The following NSD2 variants were observed in gnomAD, a reference collection of about 807,000 sequenced individuals.
The protein encoded by NSD2 is nuclear receptor binding SET domain protein 2, also known as histone-lysine N-methyltransferase NSD2.
In NSD2, 12 loss-of-function variants were observed where a neutral mutation model predicts 139.0. The ratio of observed to expected loss-of-function variants is 0.09; its 90% CI spans 0.06 to 0.14. NSD2 has a LOEUF of 0.14. NSD2 is among the 10% of genes least tolerant of loss of function. The probability of loss-of-function intolerance (pLI) is 1.00; values close to 1 mark genes in which losing one functional copy is unlikely to be tolerated. For missense variants in NSD2, 1,155 were observed against 1,745.0 expected, an observed-to-expected ratio of 0.66 and a Z score of 6.02; for synonymous variants, 669 against 648.7, an observed-to-expected ratio of 1.03 and a Z score of -0.48.
chr4:1,974,271 C>T lies in NSD2; in HGVS notation c.3373-592C>T, dbSNP rs1434401854. ...TGTTGCCCAGGCTGGAGTGCAGTGGCGCGATCTCCACTCTCTGTAACCTCC... is the reference window on the plus strand; with the variant it reads ...TGTTGCCCAGGCTGGAGTGCAGTGGTGCGATCTCCACTCTCTGTAACCTCC... On this transcript the variant is annotated intron_variant, in intron 18 of 21. Transcript: ENST00000508803. The surrounding 1 kb of genome is among the most constrained non-coding windows in gnomAD (Gnocchi z 4.0). Among the ~76,000 whole-genome samples, 2 of 151,196 alleles carry T rather than the reference C, an allele frequency of 1.3e-5. No homozygotes were observed. The highest frequency in any genetic ancestry group is 2.9e-5 in the Non-Finnish European group (2 of 67,886).
chr4:1,881,642 C>T (rs1714702165), intron 1 of NSD2, among the ~76,000 whole-genome samples: 1 of 152,170 alleles, frequency 6.6e-6, no homozygotes, highest in African/African-American at 2.4e-5. Context: ...AGCAGTCCTT[C>T]TGCCTGCACC....
At chr4:1,947,739 C>A (rs907870710) in intron 9 of NSD2, 1 of 1,051,628 alleles carries the variant, frequency 9.5e-7, no homozygotes, top group Non-Finnish European at 1.1e-6. Flanking sequence ...ACAAAACCAT[C>A]ATTTCAACAT....
chr4:1,957,912 C>T, intron 15 of NSD2, 21 bp from the exon 16 acceptor site: 1 of 1,609,998 alleles, frequency 6.2e-7, no homozygotes, highest in Non-Finnish European at 8.5e-7. Context: ...AATCTTTACT[C>T]CTATTTCATT....
chr4:1,961,857 G>A (rs1428574305), intron 18 of NSD2, among the ~76,000 whole-genome samples: 2 of 152,232 alleles, frequency 1.3e-5, no homozygotes, highest in Admixed American at 6.5e-5. Flanking sequence ...CTGGGGAAGT[G>A]TGGCCTCCTT....
chr4:1,924,377 G>A (rs1376236805), intron 5 of NSD2, among the ~76,000 whole-genome samples: 4 of 152,014 alleles, frequency 2.6e-5, no homozygotes, highest in East Asian at 1.9e-4. Flanking sequence ...GAACCGCCCC[G>A]TCAGCCACTC....
intron 4 of NSD2, 134 bp downstream of exon 4, chr4:1,917,171 T>G: frequency 9.9e-7 from 1 of 1,006,180 alleles, no homozygotes; most frequent in Non-Finnish European, 1.4e-6. Context: ...ATTGTTGACT[T>G]TTGCCCAAGG....
At position 1,978,941 on chromosome 4, in the gene NSD2, C is replaced by T; in HGVS notation, c.*32C>T. ...GCGGCCGCTTGGCCGGATCCAGGGG[C>T]GGTGCAGGGCGGCCGGCCCTGCCTG... On this transcript the variant is annotated 3_prime_UTR_variant, in exon 22 of 22. Coordinates refer to ENST00000508803, the MANE Select transcript of NSD2 (RefSeq NM_001042424.3). 1 of 1,456,492 alleles carries T rather than the reference C, an allele frequency of 6.9e-7. No homozygotes were observed. The highest frequency in any genetic ancestry group is 9.1e-7 in the Non-Finnish European group (1 of 1,102,136). 90.2% of individuals were successfully genotyped at this position (1,456,492 alleles called of 1,614,324 possible).
chr4:1,924,229 G>A (rs1055293199), intron 5 of NSD2, among the ~76,000 whole-genome samples: 10 of 152,170 alleles, frequency 6.6e-5, no homozygotes, highest in Admixed American at 6.5e-5. Flanking sequence ...TACAGCCACC[G>A]TTTCAGGCAT....
intron 3 of NSD2, among the ~76,000 whole-genome samples, chr4:1,906,913 G>A (rs537738353): frequency 7.2e-5 from 11 of 151,916 alleles, no homozygotes; most frequent in African/African-American, 1.9e-4. Flanking sequence ...TGCCCACCTC[G>A]GCCTCCCAAA....
At chr4:1,920,828 G>A (rs1250259732) in intron 5 of NSD2, among the ~76,000 whole-genome samples, 1 of 151,462 alleles carries the variant, frequency 6.6e-6, no homozygotes, top group African/African-American at 2.4e-5. Context: ...GAGCCCATGA[G>A]TTTGAGACCA....
chr4:1,877,420 A>G (rs1273202159), intron 1 of NSD2, among the ~76,000 whole-genome samples: 2 of 152,104 alleles, frequency 1.3e-5, no homozygotes, highest in African/African-American at 4.8e-5. Context: ...CTCTCACTGC[A>G]CTACTTGTTT....
chr4:1,913,913 T>C (rs1170714690), intron 3 of NSD2, among the ~76,000 whole-genome samples: 1 of 152,194 alleles, frequency 6.6e-6, no homozygotes, highest in Non-Finnish European at 1.5e-5. Context: ...TCCCTACAGT[T>C]CTATGCTGTG....
chr4:1,976,394 G>A lies in NSD2; in HGVS notation c.3622-81G>A. On this transcript the variant is annotated intron_variant, in intron 20 of 21. Coordinates refer to ENST00000508803, the MANE Select transcript of NSD2 (RefSeq NM_001042424.3). The surrounding 1 kb of genome is among the most constrained non-coding windows in gnomAD (Gnocchi z 5.3). ...CCTGCAGAGATCTCTGAAGTTCCTGGAGTGTAGCTCGCTCTTCTGCCCTAT... is the reference window on the plus strand; with the variant it reads ...CCTGCAGAGATCTCTGAAGTTCCTGAAGTGTAGCTCGCTCTTCTGCCCTAT... 6.1e-6 allele frequency: 9 copies of A among 1,474,222 alleles called. No homozygotes were observed. Among genetic ancestry groups the A allele is most frequent in the Non-Finnish European group, 8.3e-6 (9 of 1,080,732 alleles). 91.3% of individuals were successfully genotyped at this position (1,474,222 alleles called of 1,614,324 possible).
chr4:1,977,075 C>A (rs1358757064), intron 21 of NSD2, among the ~76,000 whole-genome samples: 1 of 152,234 alleles, frequency 6.6e-6, no homozygotes, highest in Non-Finnish European at 1.5e-5. Flanking sequence ...CCCAGAGGGG[C>A]CTGGCCTGGC....
At chr4:1,878,083 C>T (rs762349707) in intron 1 of NSD2, among the ~76,000 whole-genome samples, 66 of 150,670 alleles carry the variant, frequency 4.4e-4, no homozygotes, top group African/African-American at 1.1e-3. Flanking sequence ...ACTTCTGAGA[C>T]GGAGTCTAAC....
Position 1,942,862 on chromosome 4 carries a change from T to C in NSD2, c.1881+3084T>C, listed in dbSNP as rs999277133. ...AGCTGTTCTCATTGCCAGTGAGATA[T>C]ATTCAGTATTGTAGATACTACACTA... On this transcript the variant is annotated intron_variant, in intron 9 of 21. Transcript: ENST00000508803. The surrounding 1 kb of genome is among the most constrained non-coding windows in gnomAD (Gnocchi z 4.0). 9.4e-7 allele frequency: 1 copy of C among 1,065,038 alleles called. No homozygotes were observed. The highest frequency in any genetic ancestry group is 1.1e-6 in the Non-Finnish European group (1 of 878,900). 66.0% of individuals were successfully genotyped at this position (1,065,038 alleles called of 1,614,324 possible).
Position 1,976,367 on chromosome 4 carries a change from C to T in NSD2, c.3622-108C>T, listed in dbSNP as rs1443104540. 7 of 1,213,484 alleles carry T rather than the reference C, an allele frequency of 5.8e-6. No homozygotes were observed. Among genetic ancestry groups the T allele is most frequent in the East Asian group, 2.5e-5 (1 of 39,466 alleles). The allele number at this position is 1,213,484 out of a possible 1,614,324, so 75.2% of individuals were successfully genotyped here. ...CCTCTCCTCTCCTCTTAGTGTTGGG[C>T]ACCTGCAGAGATCTCTGAAGTTCCT... On this transcript the variant is annotated intron_variant, in intron 20 of 21. Coordinates refer to ENST00000508803, the MANE Select transcript of NSD2 (RefSeq NM_001042424.3). The surrounding 1 kb of genome is among the most constrained non-coding windows in gnomAD (Gnocchi z 5.3).
At chr4:1,901,667 C>T (rs1717195424) in intron 2 of NSD2, among the ~76,000 whole-genome samples, 1 of 152,170 alleles carries the variant, frequency 6.6e-6, no homozygotes, top group Non-Finnish European at 1.5e-5. Context: ...TAGAGTGTGA[C>T]TTCTTAAGTC....
Position 1,972,225 on chromosome 4 carries a change from G to A in NSD2, c.3373-2638G>A, listed in dbSNP as rs1726566787. ...ATTGATGCGTGTATTGAATGGAGCA[G>A]GCTTCTGTGGAAAGTTCGGCAGTGT... is the stretch of plus-strand genomic sequence containing the variant. On this transcript the variant is annotated intron_variant, in intron 18 of 21. Coordinates refer to ENST00000508803, the MANE Select transcript of NSD2 (RefSeq NM_001042424.3). This position sits in a 1 kb window ranked among gnomAD's most constrained non-coding sequence, Gnocchi z 4.0. 6.6e-6 allele frequency among the ~76,000 whole-genome samples: 1 copy of A among 152,224 alleles called. No homozygotes were observed. Among genetic ancestry groups the A allele is most frequent in the African/African-American group, 2.4e-5 (1 of 41,452 alleles).
Sources: allele counts gnomAD v4.1 joint callset (sites outside exome capture counted in the v4.1 genomes callset), GRCh38; gene constraint gnomAD v4.1.1; non-coding constraint Gnocchi (gnomAD v3.1); transcripts MANE v1.5; gene names NCBI Gene and HGNC (gene_info 2026-07-23, HGNC 2026-07-21).